The following PPIL4 variants were observed in gnomAD, a reference collection of about 807,000 sequenced individuals.
The protein encoded by PPIL4 is peptidylprolyl isomerase like 4.
PPIL4 carries 50 observed loss-of-function variants against 69.1 expected under a neutral mutation model. The ratio of observed to expected loss-of-function variants is 0.72; its 90% confidence interval spans 0.58 to 0.92. The LOEUF (loss-of-function observed/expected upper bound fraction) is 0.92, where lower values mean the gene tolerates loss of function less well. Among genes scored for constraint, PPIL4 ranks in the 40% least tolerant of loss-of-function variants. PPIL4 has a pLI of 0.00. For missense variants in PPIL4, 480 were observed against 587.9 expected (o/e 0.82, Z 1.90); for synonymous variants, 193 against 191.6 (o/e 1.01, Z -0.06).
In PPIL4 at chr6:149,539,671, C is replaced by T. The variant is rs770732548; in HGVS notation, c.321+1271G>A. Among the ~76,000 whole-genome samples the T allele has an allele frequency of 5.9e-5, 9 of 152,140 alleles. No homozygotes were observed. In the South Asian group the frequency reaches 8.3e-4, roughly 14 times the overall value. ...CTGGGATTACAGATGTATGCTACCA[C>T]GCCAGTCAGTTGTCTTATTTTAAGA... On this transcript the variant is annotated intron_variant, in intron 4 of 12. Coordinates refer to ENST00000253329, the MANE Select transcript of PPIL4 (RefSeq NM_139126.4).
At chr6:149,505,838 T>C in intron 12 of PPIL4, 134 bp from the exon 13 acceptor site, 2 of 687,698 alleles carry the variant, frequency 2.9e-6, no homozygotes, top group Admixed American at 3.1e-5. Context: ...CTACCACTAA[T>C]GTCAAGAATC....
intron 7 of PPIL4, among the ~76,000 whole-genome samples, chr6:149,532,944 T>C (rs1197441850): frequency 6.6e-6 from 1 of 152,192 alleles, no homozygotes; most frequent in Non-Finnish European, 1.5e-5. Flanking sequence ...ATGCCTATTC[T>C]ACAAAAATAA....
Position 149,510,179 on chromosome 6 carries a change from T to C in PPIL4, c.1227+1976A>G, listed in dbSNP as rs186578063. Among the ~76,000 whole-genome samples the C allele has an allele frequency of 6.6e-5, 10 of 152,346 alleles. No individual in the cohort carries two copies. In the South Asian group the frequency reaches 8.3e-4, roughly 13 times the overall value. ...CAATCTTTAAACAGCTAAAGGGCTATAGAAAGAAGAAATTCTATCTCTGCT... is the reference window on the plus strand; with the variant it reads ...CAATCTTTAAACAGCTAAAGGGCTACAGAAAGAAGAAATTCTATCTCTGCT... On this transcript the variant is annotated intron_variant, in intron 12 of 12. Transcript: ENST00000253329.
At chr6:149,512,129 C>T in intron 12 of PPIL4, 26 bp downstream of exon 12, 1 of 1,552,444 alleles carries the variant, frequency 6.4e-7, no homozygotes, top group Non-Finnish European at 8.8e-7. Context: ...TATTTCTCCA[C>T]ATCTAAGTCT....
At chr6:149,519,169 A>C (rs1436192080) in intron 10 of PPIL4, among the ~76,000 whole-genome samples, 1 of 152,218 alleles carries the variant, frequency 6.6e-6, no homozygotes, top group Admixed American at 6.5e-5. Context: ...GTTGAGAAGA[A>C]GACAGGATTG....
chr6:149,531,531 CAAAAAA>C (rs113611329), intron 7 of PPIL4, among the ~76,000 whole-genome samples: 1 of 135,430 alleles, frequency 7.4e-6, no homozygotes, highest in Non-Finnish European at 1.6e-5. Context: ...AACTCCGTCT[CAAAAAA>C]AAAAAAAGGA....
intron 1 of PPIL4, among the ~76,000 whole-genome samples, chr6:149,545,470 A>C (rs962778032): frequency 6.6e-6 from 1 of 152,076 alleles, no homozygotes; most frequent in Non-Finnish European, 1.5e-5. Flanking sequence ...CACTCCAGAC[A>C]ACCTCTTCCT....
chr6:149,544,342 T>C (rs888246277), intron 1 of PPIL4, among the ~76,000 whole-genome samples: 4 of 152,238 alleles, frequency 2.6e-5, no homozygotes, highest in African/African-American at 9.6e-5. Flanking sequence ...GTTGGGTTTC[T>C]ATCACTTGAA....
At chr6:149,529,996 G>C (rs995364924) in intron 7 of PPIL4, among the ~76,000 whole-genome samples, 2 of 152,160 alleles carry the variant, frequency 1.3e-5, no homozygotes, top group Admixed American at 1.3e-4. Context: ...TGGGTGTTGG[G>C]GGTGGGGATG....
intron 6 of PPIL4, among the ~76,000 whole-genome samples, chr6:149,534,471 A>G (rs1777244173): frequency 6.6e-6 from 1 of 152,230 alleles, no homozygotes; most frequent in Admixed American, 6.5e-5. Context: ...CTCAGTAGAA[A>G]AGAAACTGAA....
At chr6:149,527,558 G>A (rs1472645168) in intron 7 of PPIL4, among the ~76,000 whole-genome samples, 1 of 152,084 alleles carries the variant, frequency 6.6e-6, no homozygotes, top group East Asian at 1.9e-4. Flanking sequence ...TAAAGTACAT[G>A]TAAGTCATAA....
rs1776752050 is a variant in PPIL4, at chr6:149,505,308, T to C, written c.*145A>G. Reference sequence around the variant, plus strand: ...CAATTCTTTATCTTTCCGTGCTCTATATAATCAGTATTAATCTAAAGACCA... The same window carrying C: ...CAATTCTTTATCTTTCCGTGCTCTACATAATCAGTATTAATCTAAAGACCA... On this transcript the variant is annotated 3_prime_UTR_variant, in exon 13 of 13. Transcript: ENST00000253329. The C allele has an allele frequency of 2.9e-6, 2 of 682,030 alleles. No individual in the cohort carries two copies. The highest frequency in any genetic ancestry group is 4.9e-6 in the Non-Finnish European group (2 of 408,948). 42.2% of individuals were successfully genotyped at this position (682,030 alleles called of 1,614,324 possible). A position where few individuals can be genotyped will look rare whatever the true frequency, so the allele number is the denominator to read the frequency against.
intron 7 of PPIL4, among the ~76,000 whole-genome samples, chr6:149,529,100 G>A (rs980291629): frequency 4.6e-5 from 7 of 151,956 alleles, no homozygotes; most frequent in African/African-American, 7.3e-5. Flanking sequence ...GTGTGGTGGC[G>A]TGTGCCTATA....
At chr6:149,529,590 G>A (rs1024248657) in intron 7 of PPIL4, among the ~76,000 whole-genome samples, 9 of 150,880 alleles carry the variant, frequency 6.0e-5, no homozygotes, top group African/African-American at 2.0e-4. Flanking sequence ...GTGAAACCTC[G>A]TCTCTACTAA....
intron 7 of PPIL4, among the ~76,000 whole-genome samples, chr6:149,527,174 A>G (rs1231473322): frequency 6.6e-6 from 1 of 152,222 alleles, no homozygotes; most frequent in Non-Finnish European, 1.5e-5. Context: ...CCTGGCCAAC[A>G]TGGTGAAACC....
chr6:149,535,339 G>A (rs751542703), intron 5 of PPIL4, among the ~76,000 whole-genome samples: 4 of 152,162 alleles, frequency 2.6e-5, no homozygotes, highest in Non-Finnish European at 5.9e-5. Flanking sequence ...CTGGGCAACA[G>A]CATGAGACTC....
intron 9 of PPIL4, among the ~76,000 whole-genome samples, chr6:149,522,879 G>A (rs563968859): frequency 2.2e-4 from 33 of 152,226 alleles, no homozygotes; most frequent in African/African-American, 7.9e-4. Context: ...CCAAAGTGCT[G>A]GGATTACAGG....
Position 149,526,765 on chromosome 6 carries a change from T to A in PPIL4, c.690A>T (p.Leu230=), listed in dbSNP as rs1212382443. Residue 230 remains leucine (L), a synonymous_variant, in exon 8 of 13, where the codon CTA becomes CTT. Coordinates refer to ENST00000253329, the MANE Select transcript of PPIL4 (RefSeq NM_139126.4). Reference sequence around the variant, plus strand: ...CTGGAGGTTTAATATCTGCATCAGGTAGGTCTCCCACCTAAATTACAAACA... The same window carrying A: ...CTGGAGGTTTAATATCTGCATCAGGAAGGTCTCCCACCTAAATTACAAACA... ...QAILLEMVGD[L]PDADIKPPEN... The A allele has an allele frequency of 1.2e-6, 2 of 1,612,872 alleles. No individual in the cohort carries two copies. Among genetic ancestry groups the A allele is most frequent in the Admixed American group, 3.3e-5 (2 of 59,920 alleles).
chr6:149,542,622 A>G (rs1777380761), intron 1 of PPIL4, among the ~76,000 whole-genome samples: 1 of 152,034 alleles, frequency 6.6e-6, no homozygotes, highest in African/African-American at 2.4e-5. Context: ...TATCTAATTA[A>G]TAACATGTGT....
Sources: allele counts gnomAD v4.1 joint callset (sites outside exome capture counted in the v4.1 genomes callset), GRCh38; gene constraint gnomAD v4.1.1; transcripts MANE v1.5; gene names NCBI Gene and HGNC (gene_info 2026-07-23, HGNC 2026-07-21).